The following MYOF variants were observed in gnomAD, a reference collection of about 807,000 sequenced individuals.
The protein encoded by MYOF is myoferlin.
MYOF carries 244 observed loss-of-function variants against 284.2 expected under a neutral mutation model. The ratio of observed to expected loss-of-function variants is 0.86; its 90% confidence interval spans 0.77 to 0.95. The LOEUF is 0.95. Ranked by LOEUF, MYOF falls within the 40% of genes least tolerant of loss-of-function variation. The pLI is 0.00. For synonymous variants in MYOF, 904 were observed against 919.7 expected (o/e 0.98, Z 0.31); for missense variants, 2,496 against 2,560.6 (o/e 0.97, Z 0.54).
In MYOF at chr10:93,426,530, A is replaced by G. The variant is rs1184740325; in HGVS notation, c.346-372T>C. 2.0e-5 allele frequency among the ~76,000 whole-genome samples: 3 copies of G among 152,188 alleles called. No individual in the cohort carries two copies. In the East Asian group the frequency reaches 5.8e-4, roughly 29 times the overall value. On this transcript the variant is annotated intron_variant, in intron 4 of 53. Coordinates refer to ENST00000359263, the MANE Select transcript of MYOF (RefSeq NM_013451.4). ...GAGGGTCACTGTAAATGATTAATTT[A>G]TTTGTTTGCTCATTGCTTATTTCAT...
rs746284231 is a variant in MYOF, at chr10:93,343,945, T to C, written c.4250-13A>G. ...GACAGAAGGGAGGCTGCAAGACAAA[T>C]ACTTTCTTAATCTAAGATACTTAGA... is the stretch of plus-strand genomic sequence containing the variant. On this transcript the variant is annotated splice_polypyrimidine_tract_variant and intron_variant, in intron 37 of 53. Transcript: ENST00000359263. The C allele has an allele frequency of 3.1e-6, 5 of 1,613,966 alleles. No individual in the cohort carries two copies. In the Admixed American group the frequency reaches 6.7e-5, roughly 22 times the overall value.
chr10:93,408,004 G>A (rs1798038362), intron 7 of MYOF, among the ~76,000 whole-genome samples: 1 of 151,992 alleles, frequency 6.6e-6, no homozygotes, highest in Non-Finnish European at 1.5e-5. Flanking sequence ...CACCAGAAAG[G>A]CAACAGCATC....
chr10:93,392,629 A>G (rs924286538), intron 17 of MYOF, among the ~76,000 whole-genome samples: 3 of 152,232 alleles, frequency 2.0e-5, no homozygotes, highest in African/African-American at 7.2e-5. Flanking sequence ...CATAAACAAT[A>G]ACAGAAAATG....
At chr10:93,356,883 G>C (rs750009252) in intron 29 of MYOF, 35 bp from the exon 30 acceptor site, 10 of 1,568,826 alleles carry the variant, frequency 6.4e-6, no homozygotes, top group Non-Finnish European at 2.6e-6. Context: ...TGATGACGAT[G>C]ATGATGATGA....
At chr10:93,455,562 G>A (rs1174875269) in intron 2 of MYOF, among the ~76,000 whole-genome samples, 1 of 152,076 alleles carries the variant, frequency 6.6e-6, no homozygotes, top group Non-Finnish European at 1.5e-5. Context: ...CTACTCAGGA[G>A]GCTGAGGTGG....
intron 51 of MYOF, 146 bp from the exon 52 acceptor site, chr10:93,310,789 T>A: frequency 2.6e-6 from 2 of 757,972 alleles, no homozygotes; most frequent in African/African-American, 1.8e-5. Flanking sequence ...AGAGATTTCA[T>A]CCCATTTCCT....
At chr10:93,337,981 C>G (rs1843698334) in intron 39 of MYOF, 68 bp from the exon 40 acceptor site, 1 of 1,132,028 alleles carries the variant, frequency 8.8e-7, no homozygotes, top group Non-Finnish European at 1.3e-6. Context: ...CAGGAAAATG[C>G]ATTTGTAATA....
chr10:93,374,732 A>C (rs970687163), intron 23 of MYOF, 31 bp downstream of exon 23: 12 of 1,593,170 alleles, frequency 7.5e-6, no homozygotes, highest in Non-Finnish European at 1.0e-5. Context: ...CTTCCATATC[A>C]GGTGACGTTT....
intron 51 of MYOF, among the ~76,000 whole-genome samples, 161 bp downstream of exon 51, chr10:93,312,859 C>A (rs981692736): frequency 1.3e-5 from 2 of 152,140 alleles, no homozygotes; most frequent in South Asian, 4.1e-4. Flanking sequence ...TATTGTAAGA[C>A]AAAGGCAAAC....
chr10:93,396,411 C>T (rs1464239991), intron 15 of MYOF, among the ~76,000 whole-genome samples, 187 bp from the exon 16 acceptor site: 3 of 152,110 alleles, frequency 2.0e-5, no homozygotes, highest in Admixed American at 2.0e-4. Context: ...ACTTCTCACC[C>T]TCATCTCCTG....
chr10:93,363,771 G>A (rs1845185941), intron 27 of MYOF, among the ~76,000 whole-genome samples, 190 bp downstream of exon 27: 1 of 152,146 alleles, frequency 6.6e-6, no homozygotes, highest in Non-Finnish European at 1.5e-5. Flanking sequence ...AGTTAAATAG[G>A]CCTCATTTCT....
intron 37 of MYOF, among the ~76,000 whole-genome samples, chr10:93,346,988 A>G (rs918257439): frequency 2.0e-5 from 3 of 152,206 alleles, no homozygotes; most frequent in African/African-American, 7.2e-5. Flanking sequence ...TGAATAGGGA[A>G]CATTCATGAG....
intron 1 of MYOF, among the ~76,000 whole-genome samples, chr10:93,471,527 T>C (rs2057145144): frequency 6.6e-6 from 1 of 152,142 alleles, no homozygotes; most frequent in Admixed American, 6.5e-5. Context: ...TCCAGTTAAA[T>C]CCTGACCTGT....
At chr10:93,329,137 C>A (rs1441268239) in intron 44 of MYOF, among the ~76,000 whole-genome samples, 1 of 152,102 alleles carries the variant, frequency 6.6e-6, no homozygotes, top group East Asian at 1.9e-4. Context: ...ATTATTTAGC[C>A]CTCAGTTTCC....
At chr10:93,466,764 A>G (rs576200372) in intron 1 of MYOF, among the ~76,000 whole-genome samples, 10 of 152,336 alleles carry the variant, frequency 6.6e-5, no homozygotes, top group Admixed American at 2.6e-4. Context: ...GCTTGAGTCC[A>G]GGAGTTTGAG....
intron 51 of MYOF, among the ~76,000 whole-genome samples, 162 bp from the exon 52 acceptor site, chr10:93,310,805 A>G (rs1842350383): frequency 6.6e-6 from 1 of 152,088 alleles, no homozygotes; most frequent in Non-Finnish European, 1.5e-5. Flanking sequence ...TTCCTCTTCC[A>G]TGTGTTTCTG....
rs777611977 is a variant in MYOF at position 93,356,763 on chromosome 10, T to C, written c.3206A>G (p.Asp1069Gly). The C allele has an allele frequency of 2.2e-5, 35 of 1,614,044 alleles. No homozygotes were observed. The highest frequency in any genetic ancestry group is 2.6e-5 in the Non-Finnish European group (31 of 1,180,014). Residue 1069 changes from aspartate (D) to glycine (G), a missense_variant, in exon 30 of 54, where the codon GAT becomes GGT. By Grantham distance (94) the Asp-to-Gly change is moderately conservative. Coordinates refer to ENST00000359263, the MANE Select transcript of MYOF (RefSeq NM_013451.4). ...CCTCCAGCGTCTGCGGCGGAAGGTA[T>C]CTGAACTACGTTGTTTCCAGTGAAA... ...WKFHWKQRSS[D>G]TFRRRRWRRK...
intron 5 of MYOF, among the ~76,000 whole-genome samples, chr10:93,423,461 G>T (rs2134179745): frequency 6.8e-6 from 1 of 146,266 alleles, no homozygotes; most frequent in African/African-American, 2.6e-5. Flanking sequence ...TAGGGGCAGA[G>T]GTTGCAATAA....
chr10:93,450,086 C>A (rs953446395), intron 3 of MYOF, among the ~76,000 whole-genome samples: 1 of 151,938 alleles, frequency 6.6e-6, no homozygotes, highest in African/African-American at 2.4e-5. Flanking sequence ...GGTGAAACCT[C>A]ATCTCTACTA....
Sources: allele counts gnomAD v4.1 joint callset (sites outside exome capture counted in the v4.1 genomes callset), GRCh38; gene constraint gnomAD v4.1.1; transcripts MANE v1.5; gene names NCBI Gene and HGNC (gene_info 2026-07-23, HGNC 2026-07-21).